Variants in KIF15 observed in about 807,000 individuals in gnomAD.
The protein encoded by KIF15 is kinesin family member 15.
KIF15 carries 140 observed loss-of-function variants against 190.6 expected under a neutral mutation model. The observed-to-expected ratio is 0.73, with a 90% confidence interval of 0.64 to 0.84. The LOEUF (loss-of-function observed/expected upper bound fraction) is 0.84. KIF15 is among the 40% of genes least tolerant of loss of function. The pLI is 0.00. For missense variants in KIF15, 1,372 were observed against 1,584.4 expected, an observed-to-expected ratio of 0.87 and a Z score of 2.28; for synonymous variants, 528 against 551.3, an observed-to-expected ratio of 0.96 and a Z score of 0.59.
At position 44,797,669 on chromosome 3, in the gene KIF15, T is replaced by C; in HGVS notation, c.968T>C (p.Leu323Ser). The C allele has an allele frequency of 6.2e-7, 1 of 1,614,020 alleles. No individual in the cohort carries two copies. The highest frequency in any genetic ancestry group is 8.5e-7 in the Non-Finnish European group (1 of 1,179,970). ...TACAGAGACTCCAAACTTACCTTCT[T>C]ACTACGGGTAAAGTAGATCCTTGGG... ...VCYRDSKLTF[L>S]LRDSLGGNAK... Residue 323 changes from leucine to serine, a missense_variant, in exon 9 of 35, where the codon TTA becomes TCA. Leu to Ser is a moderately radical substitution (Grantham distance 145, BLOSUM62 -2). Transcript: ENST00000326047.
intron 11 of KIF15, among the ~76,000 whole-genome samples, chr3:44,801,215 G>A (rs866532339): frequency 2.0e-5 from 3 of 150,652 alleles, no homozygotes; most frequent in East Asian, 2.0e-4. Flanking sequence ...CGGCGGGAGG[G>A]GGGGGTCTCA....
intron 11 of KIF15, among the ~76,000 whole-genome samples, chr3:44,801,216 G>A (rs1457605062): frequency 6.6e-6 from 1 of 150,714 alleles, no homozygotes; most frequent in African/African-American, 2.4e-5. Flanking sequence ...GGCGGGAGGG[G>A]GGGGTCTCAC....
intron 26 of KIF15, among the ~76,000 whole-genome samples, chr3:44,835,889 A>C (rs902779738): frequency 2.6e-5 from 4 of 152,238 alleles, no homozygotes; most frequent in Non-Finnish European, 5.9e-5. Context: ...TTCTGTACAA[A>C]TGATGACATC....
intron 4 of KIF15, among the ~76,000 whole-genome samples, chr3:44,779,861 G>T (rs1407088546): frequency 6.6e-6 from 1 of 150,856 alleles, no homozygotes; most frequent in Non-Finnish European, 1.5e-5. Context: ...ATTTGTAGAG[G>T]ACTCAATAAT....
intron 26 of KIF15, among the ~76,000 whole-genome samples, chr3:44,833,616 AT>A (rs746296010): frequency 0.045 from 6,921 of 152,178 alleles, 206 homozygotes; most frequent in Non-Finnish European, 0.065. Context: ...AATGCGAGCG[AT>A]GGGGAATGGC....
intron 27 of KIF15, 49 bp downstream of exon 27, chr3:44,838,470 G>A: frequency 6.4e-7 from 1 of 1,569,838 alleles, no homozygotes; most frequent in Non-Finnish European, 8.6e-7. Context: ...GAGACCAAGT[G>A]TAGTGGCTCA....
At chr3:44,855,669 G>A (rs1197883890), downstream of KIF15, among the ~76,000 whole-genome samples, 3 of 152,106 alleles carry the variant, frequency 2.0e-5, no homozygotes, top group African/African-American at 7.2e-5. Context: ...ATTTTGGGGT[G>A]AGGGGTGATA....
chr3:44,863,300 A>ACTCCC (rs1699280373), intron 6 of KIF15: 1 of 35,060 alleles, frequency 2.9e-5, no homozygotes, highest in Non-Finnish European at 5.8e-5. Context: ...TAGATTCCGC[A>ACTCCC]CCCCCCCCCC....
At chr3:44,850,222 A>G (rs1215753074) in intron 32 of KIF15, among the ~76,000 whole-genome samples, 1 of 152,178 alleles carries the variant, frequency 6.6e-6, no homozygotes, top group African/African-American at 2.4e-5. Context: ...TTGTTACCCA[A>G]TCATTGATTC....
At chr3:44,816,246 A>T (rs192860405) in intron 20 of KIF15, among the ~76,000 whole-genome samples, 2,832 of 152,076 alleles carry the variant, frequency 0.019, 74 homozygotes, top group African/African-American at 0.063. Flanking sequence ...TTTTTTTAAA[A>T]TTTTTTTAAA....
downstream of KIF15, among the ~76,000 whole-genome samples, chr3:44,854,045 A>T (rs1414979953): frequency 8.5e-5 from 13 of 152,174 alleles, no homozygotes. Flanking sequence ...GAAATGTTTT[A>T]AAATTGCTTT....
In KIF15 at chr3:44,763,458, T is replaced by C. The variant is rs1198952224; in HGVS notation, c.19+1574T>C. Among the ~76,000 whole-genome samples the C allele has an allele frequency of 3.3e-5, 5 of 152,078 alleles. No homozygotes were observed. The South Asian group carries it at 6.2e-4, about 19-fold the overall frequency. On this transcript the variant is annotated intron_variant, in intron 1 of 34. Coordinates refer to ENST00000326047, the MANE Select transcript of KIF15 (RefSeq NM_020242.3). Reference sequence around the variant, plus strand: ...CTGGGATTACAGGCACGCGCCACCATGCCCAGCTAATTTTTTTATTTTTAG... The same window carrying C: ...CTGGGATTACAGGCACGCGCCACCACGCCCAGCTAATTTTTTTATTTTTAG...
intron 25 of KIF15, among the ~76,000 whole-genome samples, chr3:44,830,414 T>G (rs898920798): frequency 6.6e-6 from 1 of 152,178 alleles, no homozygotes; most frequent in Non-Finnish European, 1.5e-5. Flanking sequence ...AAATGTGGTG[T>G]TTTTTAGTGG....
At chr3:44,852,635 C>T (rs1699103015) in intron 34 of KIF15, 38 bp from the exon 35 acceptor site, 1 of 1,462,066 alleles carries the variant, frequency 6.8e-7, no homozygotes, top group African/African-American at 1.4e-5. Context: ...GAATTAGAGC[C>T]TTATTTTTTT....
intron 7 of KIF15, among the ~76,000 whole-genome samples, chr3:44,787,134 C>A (rs1341542193): frequency 7.2e-5 from 11 of 152,300 alleles, no homozygotes; most frequent in Admixed American, 6.5e-4. Flanking sequence ...AGTGAACTTT[C>A]AGGAGGCTTT....
At chr3:44,811,846 A>T (rs1384087207) in intron 17 of KIF15, among the ~76,000 whole-genome samples, 1 of 152,148 alleles carries the variant, frequency 6.6e-6, no homozygotes, top group East Asian at 1.9e-4. Context: ...CAGGCCATGG[A>T]GGTAACCGCT....
At chr3:44,789,834 C>T (rs980005818) in intron 7 of KIF15, among the ~76,000 whole-genome samples, 2 of 151,720 alleles carry the variant, frequency 1.3e-5, no homozygotes, top group Non-Finnish European at 2.9e-5. Context: ...GAGTTAAGTT[C>T]CTACTGCATA....
At chr3:44,829,845 A>G (rs1575662513) in intron 24 of KIF15, 126 bp from the exon 25 acceptor site, 1 of 223,342 alleles carries the variant, frequency 4.5e-6, no homozygotes, top group South Asian at 1.5e-4. Flanking sequence ...CTAATGTGAC[A>G]TACGATCTTT....
intron 6 of KIF15, among the ~76,000 whole-genome samples, chr3:44,867,625 C>CAA (rs1226573405): frequency 6.6e-6 from 1 of 152,180 alleles, no homozygotes; most frequent in Admixed American, 6.5e-5. Flanking sequence ...CCCTATCACT[C>CAA]AATTCAACAA....
Sources: gnomAD v4.1 joint callset for allele counts (sites outside exome capture counted in the v4.1 genomes callset) on GRCh38, gnomAD v4.1.1 for gene constraint, MANE v1.5 for transcripts, NCBI Gene and HGNC (gene_info 2026-07-23, HGNC 2026-07-21) for gene names.